Variants in METAP1 observed in about 807,000 individuals in gnomAD.
The protein encoded by METAP1 is methionine aminopeptidase 1.
METAP1 carries 28 observed loss-of-function variants against 53.8 expected under a neutral mutation model. The ratio of observed to expected loss-of-function variants is 0.52; its 90% CI spans 0.39 to 0.71. The LOEUF is 0.71. Among genes scored for constraint, METAP1 ranks in the 30% least tolerant of loss-of-function variants. METAP1 has a pLI of 0.00. For synonymous variants in METAP1, 181 were observed against 165.7 expected (o/e 1.09, Z -0.71); for missense variants, 389 against 479.8 (o/e 0.81, Z 1.77).
intron 1 of METAP1, among the ~76,000 whole-genome samples, chr4:99,018,363 A>G (rs1173807450): frequency 6.6e-6 from 1 of 152,240 alleles, no homozygotes; most frequent in African/African-American, 2.4e-5. Context: ...TTCTCCAGAT[A>G]TAAGTATGTC....
intron 1 of METAP1, among the ~76,000 whole-genome samples, chr4:99,008,565 A>C (rs1010718630): frequency 6.6e-6 from 1 of 152,184 alleles, no homozygotes; most frequent in African/African-American, 2.4e-5. Context: ...TACTATATAC[A>C]GGTTAAGAAC....
At chr4:99,023,591 A>G in intron 1 of METAP1, 1 of 985,344 alleles carries the variant, frequency 1.0e-6, no homozygotes, top group Non-Finnish European at 1.2e-6. Context: ...AGGTAATAGG[A>G]CACATTATGG....
intron 1 of METAP1, among the ~76,000 whole-genome samples, chr4:99,007,281 T>C (rs1252530713): frequency 6.6e-6 from 1 of 152,140 alleles, no homozygotes; most frequent in East Asian, 1.9e-4. Flanking sequence ...ACAAGACTCA[T>C]AGGTGATGTT....
At chr4:99,032,975 A>C (rs1725156059) in intron 2 of METAP1, among the ~76,000 whole-genome samples, 1 of 152,160 alleles carries the variant, frequency 6.6e-6, no homozygotes, top group Non-Finnish European at 1.5e-5. Flanking sequence ...TTCTTTTCCA[A>C]AGTAATATGA....
At chr4:99,057,885 T>G in intron 10 of METAP1, 67 bp downstream of exon 10, 2 of 1,370,484 alleles carry the variant, frequency 1.5e-6, no homozygotes, top group African/African-American at 1.4e-5. Flanking sequence ...ATTCATCATG[T>G]CAGTGGTCTT....
intron 9 of METAP1, among the ~76,000 whole-genome samples, chr4:99,049,138 T>G (rs1295796065): frequency 6.6e-6 from 1 of 152,202 alleles, no homozygotes; most frequent in Non-Finnish European, 1.5e-5. Context: ...GACCTATGGC[T>G]TTCAAAGTCA....
chr4:99,058,195 C>A (rs1464700510), intron 10 of METAP1, among the ~76,000 whole-genome samples: 1 of 152,150 alleles, frequency 6.6e-6, no homozygotes, highest in Non-Finnish European at 1.5e-5. Flanking sequence ...CAGTTCGAGG[C>A]AGACATGATT....
chr4:99,045,472 G>C (rs577480831), intron 8 of METAP1, among the ~76,000 whole-genome samples, 162 bp downstream of exon 8: 1 of 152,264 alleles, frequency 6.6e-6, no homozygotes, highest in South Asian at 2.1e-4. Flanking sequence ...GATGATCTGG[G>C]AATCTCTTGG....
intron 1 of METAP1, chr4:99,026,384 G>T: frequency 1.0e-6 from 1 of 985,408 alleles, no homozygotes; most frequent in Non-Finnish European, 1.2e-6. Context: ...GACATGTTAA[G>T]CTTGTGTGTG....
intron 4 of METAP1, chr4:99,036,131 T>C (rs1294283759): frequency 1.3e-5 from 2 of 154,292 alleles, no homozygotes; most frequent in Non-Finnish European, 2.9e-5. Context: ...GTACACATAA[T>C]TAATTTAGAC....
chr4:99,037,545 A>G (rs1725522201), intron 4 of METAP1, among the ~76,000 whole-genome samples: 1 of 151,942 alleles, frequency 6.6e-6, no homozygotes, highest in South Asian at 2.1e-4. Flanking sequence ...TGGTTATTAT[A>G]TCACCAGTTA....
chr4:98,999,855 C>T (rs1170887974), intron 1 of METAP1, among the ~76,000 whole-genome samples: 1 of 152,006 alleles, frequency 6.6e-6, no homozygotes, highest in Non-Finnish European at 1.5e-5. Context: ...TAGAGGAGTA[C>T]AACCAGTTTT....
intron 5 of METAP1, among the ~76,000 whole-genome samples, chr4:99,040,168 A>C (rs1268584381): frequency 1.3e-5 from 2 of 152,242 alleles, no homozygotes; most frequent in African/African-American, 4.8e-5. Context: ...ATATTTAAAA[A>C]CATTTTGTCA....
chr4:99,008,099 A>G (rs1469163887), intron 1 of METAP1, among the ~76,000 whole-genome samples: 1 of 152,238 alleles, frequency 6.6e-6, no homozygotes, highest in African/African-American at 2.4e-5. Context: ...GTACTAGGTA[A>G]AGACAGGCTT....
intron 8 of METAP1, among the ~76,000 whole-genome samples, 170 bp from the exon 9 acceptor site, chr4:99,048,563 C>T (rs1321936845): frequency 6.6e-6 from 1 of 152,098 alleles, no homozygotes; most frequent in African/African-American, 2.4e-5. Context: ...AGAGACAGGG[C>T]TTTGCCCTGT....
chr4:99,029,842 A>T (rs1309390991), intron 2 of METAP1, among the ~76,000 whole-genome samples: 1 of 152,214 alleles, frequency 6.6e-6, no homozygotes, highest in East Asian at 1.9e-4. Context: ...GGAACAGGGA[A>T]ATACAAATTT....
At chr4:99,005,188 C>A (rs1723117658) in intron 1 of METAP1, among the ~76,000 whole-genome samples, 1 of 152,008 alleles carries the variant, frequency 6.6e-6, no homozygotes, top group Non-Finnish European at 1.5e-5. Context: ...ATAATAATCA[C>A]AGTAAACAGA....
intron 1 of METAP1, among the ~76,000 whole-genome samples, chr4:99,011,816 T>C (rs1261939353): frequency 6.6e-6 from 1 of 152,172 alleles, no homozygotes; most frequent in East Asian, 1.9e-4. Flanking sequence ...GGCATATGCC[T>C]GTAATCCCAG....
At chr4:99,008,049 G>A (rs1178026001) in intron 1 of METAP1, among the ~76,000 whole-genome samples, 3 of 152,134 alleles carry the variant, frequency 2.0e-5, no homozygotes, top group Non-Finnish European at 4.4e-5. Context: ...AACAGCTAAA[G>A]AACAGTTTTT....
Sources: gnomAD v4.1 joint callset for allele counts (sites outside exome capture counted in the v4.1 genomes callset) on GRCh38, gnomAD v4.1.1 for gene constraint, MANE v1.5 for transcripts, NCBI Gene and HGNC (gene_info 2026-07-23, HGNC 2026-07-21) for gene names.